ZBTB16: variants seen among roughly 807,000 people sequenced by gnomAD.
The protein encoded by ZBTB16 is zinc finger and BTB domain-containing protein 16.
ZBTB16 carries 8 observed loss-of-function variants against 56.8 expected under a neutral mutation model. The ratio of observed to expected loss-of-function variants is 0.14; its 90% CI spans 0.08 to 0.25. The LOEUF is 0.25. Ranked by LOEUF, ZBTB16 falls within the 10% of genes least tolerant of loss-of-function variation. ZBTB16 has a pLI of 1.00. For missense variants in ZBTB16, 625 were observed against 903.0 expected (o/e 0.69, Z 3.95); for synonymous variants, 363 against 368.5 (o/e 0.98, Z 0.17).
intron 4 of ZBTB16, among the ~76,000 whole-genome samples, chr11:114,217,940 G>C (rs1455398127): frequency 6.6e-6 from 1 of 152,216 alleles, no homozygotes; most frequent in African/African-American, 2.4e-5. Flanking sequence ...CCTGCAGATA[G>C]ATGGGTCTCT....
At chr11:114,230,638 G>GGC (rs920891969) in intron 4 of ZBTB16, among the ~76,000 whole-genome samples, 2 of 127,554 alleles carry the variant, frequency 1.6e-5, no homozygotes, top group African/African-American at 6.3e-5. Flanking sequence ...CTGTGGGGGG[G>GGC]GGGCGGGAAG....
At chr11:114,150,924 CCAGGTCCTGCTCGA>C (rs1372951456) in intron 2 of ZBTB16, among the ~76,000 whole-genome samples, 1 of 152,188 alleles carries the variant, frequency 6.6e-6, no homozygotes, top group Non-Finnish European at 1.5e-5. Flanking sequence ...CACCAACTGC[CCAGGTCCTGCTCGA>C]CAGGACCAGG....
intron 2 of ZBTB16, among the ~76,000 whole-genome samples, chr11:114,148,888 G>A (rs1942214127): frequency 6.6e-6 from 1 of 151,440 alleles, no homozygotes; most frequent in African/African-American, 2.4e-5. Context: ...GTGTGTGTGT[G>A]TGTGTGTGTG....
Position 114,210,399 on chromosome 11 carries a change from G to A in ZBTB16, c.1453+23361G>A, listed in dbSNP as rs375600834. 6.6e-5 allele frequency among the ~76,000 whole-genome samples: 10 copies of A among 152,276 alleles called. No individual in the cohort carries two copies. In the South Asian group the frequency reaches 2.1e-3, roughly 32 times the overall value. On this transcript the variant is annotated intron_variant, in intron 4 of 6. Coordinates refer to ENST00000335953, the MANE Select transcript of ZBTB16 (RefSeq NM_006006.6). ...TAACCCTGCAGCCAGGAGCTGGGAT[G>A]TTCTGTCCAAATTAGCACAAATCTC...
chr11:114,132,206 G>A (rs1941681961), intron 2 of ZBTB16, among the ~76,000 whole-genome samples: 1 of 152,140 alleles, frequency 6.6e-6, no homozygotes, highest in African/African-American at 2.4e-5. Flanking sequence ...TGAAGTCTGT[G>A]TGTGTCTGGT....
intron 4 of ZBTB16, chr11:114,187,838 A>C (rs1943399523): frequency 6.5e-6 from 1 of 153,312 alleles, no homozygotes; most frequent in Non-Finnish European, 1.4e-5. Context: ...ATGTCAGAGC[A>C]GCAGCAGCAG....
chr11:114,231,080 TAG>T (rs1944435567), intron 4 of ZBTB16, among the ~76,000 whole-genome samples: 1 of 152,176 alleles, frequency 6.6e-6, no homozygotes, highest in Non-Finnish European at 1.5e-5. Context: ...TGTCTGAAAC[TAG>T]AGAGAGTGAC....
intron 3 of ZBTB16, among the ~76,000 whole-genome samples, chr11:114,162,876 T>C (rs1333790491): frequency 6.6e-6 from 1 of 152,166 alleles, no homozygotes; most frequent in Admixed American, 6.5e-5. Context: ...CACACTTCTC[T>C]TTCTCTCTCT....
chr11:114,196,392 G>GA (rs1055555791), intron 4 of ZBTB16, among the ~76,000 whole-genome samples: 1 of 42,438 alleles, frequency 2.4e-5, no homozygotes, highest in African/African-American at 1.8e-4. Flanking sequence ...TCGCCAGTAA[G>GA]AAAAAAGAGG....
intron 4 of ZBTB16, among the ~76,000 whole-genome samples, chr11:114,233,539 A>C (rs1202574846): frequency 7.9e-5 from 12 of 152,072 alleles, no homozygotes; most frequent in Non-Finnish European, 1.6e-4. Context: ...GCCCAGTACG[A>C]AAATGCAGAT....
intron 4 of ZBTB16, among the ~76,000 whole-genome samples, chr11:114,217,017 C>A (rs929463370): frequency 2.0e-5 from 3 of 152,102 alleles, no homozygotes. Context: ...GATAAGGCTT[C>A]TAGAAAGGAA....
At chr11:114,074,555 C>G (rs1365825935) in intron 2 of ZBTB16, among the ~76,000 whole-genome samples, 1 of 152,198 alleles carries the variant, frequency 6.6e-6, no homozygotes, top group Non-Finnish European at 1.5e-5. Context: ...AAGCCCAGGC[C>G]TGATTACTTC....
At chr11:114,232,469 G>T (rs1211486009) in intron 4 of ZBTB16, among the ~76,000 whole-genome samples, 1 of 152,144 alleles carries the variant, frequency 6.6e-6, no homozygotes, top group Non-Finnish European at 1.5e-5. Flanking sequence ...CCTCAAGTCG[G>T]CACCCTGCCT....
intron 6 of ZBTB16, among the ~76,000 whole-genome samples, chr11:114,249,384 G>C (rs1276462730): frequency 6.7e-6 from 1 of 149,884 alleles, no homozygotes; most frequent in Non-Finnish European, 1.5e-5. Context: ...CTTGAACCCG[G>C]GAGGCAGAGG....
Position 114,063,688 on chromosome 11 carries a change from G to T in ZBTB16, c.388G>T (p.Asp130Tyr). 2.5e-6 allele frequency: 4 copies of T among 1,614,078 alleles called. No individual in the cohort carries two copies. Among genetic ancestry groups the T allele is most frequent in the Non-Finnish European group, 3.4e-6 (4 of 1,180,038 alleles). The change falls in exon 2 of 7, where the codon GAC (aspartate) becomes TAC (tyrosine). Residue 130 changes from aspartate to tyrosine, a missense_variant. By Grantham distance (160) the Asp-to-Tyr change is radical. Coordinates refer to ENST00000335953, the MANE Select transcript of ZBTB16 (RefSeq NM_006006.6). The surrounding 1 kb of genome is among the most constrained non-coding windows in gnomAD (Gnocchi z 6.5). The part of the protein sequence containing the change: ...KMLETIQASD[D>Y]NDTEATMADG... Reference sequence around the variant, plus strand: ...GCTGGAGACCATCCAGGCCTCAGACGACAATGACACGGAGGCCACCATGGC... The same window carrying T: ...GCTGGAGACCATCCAGGCCTCAGACTACAATGACACGGAGGCCACCATGGC...
In ZBTB16 at chr11:114,142,922, A is replaced by C. The variant is rs190128371; in HGVS notation, c.1269-13415A>C. On this transcript the variant is annotated intron_variant, in intron 2 of 6. Coordinates refer to ENST00000335953, the MANE Select transcript of ZBTB16 (RefSeq NM_006006.6). Reference sequence around the variant, plus strand: ...GAAAAATGAAAGCTCATTAAATAAAAATAGTAAAGGACATTTTTATGTGTG... The same window carrying C: ...GAAAAATGAAAGCTCATTAAATAAACATAGTAAAGGACATTTTTATGTGTG... 3.4e-3 allele frequency among the ~76,000 whole-genome samples: 524 copies of C among 152,342 alleles called. 3 individuals are homozygous for C. The highest frequency in any genetic ancestry group is 0.011 in the African/African-American group (478 of 41,588).
chr11:114,163,878 GT>G (rs1942667468), intron 3 of ZBTB16, among the ~76,000 whole-genome samples: 1 of 152,112 alleles, frequency 6.6e-6, no homozygotes, highest in Non-Finnish European at 1.5e-5. Flanking sequence ...TGGCTTTTGT[GT>G]TTTTTAATAC....
chr11:114,111,686 T>G (rs1941009660), intron 2 of ZBTB16, among the ~76,000 whole-genome samples: 1 of 152,208 alleles, frequency 6.6e-6, no homozygotes, highest in South Asian at 2.1e-4. Context: ...TGGGAGTTAT[T>G]TTACTTGTGA....
At position 114,253,121 on chromosome 11, in the gene ZBTB16, G is replaced by A. The variant is rs940084968; in HGVS notation, c.*2566G>A. On this transcript the variant is annotated 3_prime_UTR_variant, in exon 7 of 7. Transcript: ENST00000335953. ...TCTGGGAAGAAGCGGGGACTGGCTGGCCCTCAGGGGATCTGTAAATCCCAG... is the reference window on the plus strand; with the variant it reads ...TCTGGGAAGAAGCGGGGACTGGCTGACCCTCAGGGGATCTGTAAATCCCAG... Among the ~76,000 whole-genome samples, 2 of 152,084 alleles carry A rather than the reference G, an allele frequency of 1.3e-5. No homozygotes were observed. Among genetic ancestry groups the A allele is most frequent in the African/African-American group, 2.4e-5 (1 of 41,398 alleles).
Sources: allele counts gnomAD v4.1 joint callset (sites outside exome capture counted in the v4.1 genomes callset), GRCh38; gene constraint gnomAD v4.1.1; non-coding constraint Gnocchi (gnomAD v3.1); transcripts MANE v1.5; gene names NCBI Gene and HGNC (gene_info 2026-07-23, HGNC 2026-07-21).